The following PRDM12 variants were observed in gnomAD, a reference collection of about 807,000 sequenced individuals.
PRDM12 encodes the protein PR/SET domain 12.
A neutral mutation model predicts 29.6 loss-of-function variants in PRDM12; 17 were observed. The ratio of observed to expected loss-of-function variants is 0.57; its 90% CI spans 0.39 to 0.86. The LOEUF (loss-of-function observed/expected upper bound fraction) is 0.86. PRDM12 is among the 40% of genes least tolerant of loss of function. The pLI, the probability that PRDM12 is intolerant of heterozygous loss-of-function variation, is 0.00. For synonymous variants in PRDM12, 231 were observed against 225.8 expected (o/e 1.02, Z -0.21); for missense variants, 422 against 510.8 (o/e 0.83, Z 1.68).
rs1332573196 is a variant in PRDM12 at position 130,664,982 on chromosome 9, T to C, written c.223+106T>C. 1.5e-5 allele frequency: 18 copies of C among 1,201,778 alleles called. No homozygotes were observed. The highest frequency in any genetic ancestry group is 2.1e-5 in the Non-Finnish European group (18 of 876,734). The allele number at this position is 1,201,778 out of a possible 1,614,324, so 74.4% of individuals were successfully genotyped here. Reference sequence around the variant, plus strand: ...CTGGGATACCCGGCCTCGCTGCTACTCGCGCCAACCTGGGCTCTCCCGGCG... The same window carrying C: ...CTGGGATACCCGGCCTCGCTGCTACCCGCGCCAACCTGGGCTCTCCCGGCG... On this transcript the variant is annotated intron_variant, in intron 1 of 4. Coordinates refer to ENST00000253008, the MANE Select transcript of PRDM12 (RefSeq NM_021619.3). The surrounding 1 kb of genome is among the most constrained non-coding windows in gnomAD (Gnocchi z 6.4).
At chr9:130,676,392 A>G (rs1426237356) in intron 3 of PRDM12, among the ~76,000 whole-genome samples, 2 of 152,090 alleles carry the variant, frequency 1.3e-5, no homozygotes, top group Non-Finnish European at 2.9e-5. Context: ...GCTACTCAGG[A>G]GGCTGAGGCA....
chr9:130,668,489 G>T lies in PRDM12; in HGVS notation c.570+176G>T, dbSNP rs185578078. 1.2e-4 allele frequency among the ~76,000 whole-genome samples: 18 copies of T among 152,218 alleles called. No individual in the cohort carries two copies. The highest frequency in any genetic ancestry group is 1.9e-4 in the Non-Finnish European group (13 of 68,042). ...AGACAGGTGGGTCTCCAGACATCCC[G>T]CTGTCCAGGTGTGTGACCTCCATGG... On this transcript the variant is annotated intron_variant, in intron 3 of 4. Transcript: ENST00000253008. This position sits in a 1 kb window ranked among gnomAD's most constrained non-coding sequence, Gnocchi z 4.0.
chr9:130,670,180 C>A (rs922679947), intron 3 of PRDM12, among the ~76,000 whole-genome samples: 2 of 152,130 alleles, frequency 1.3e-5, no homozygotes, highest in Non-Finnish European at 2.9e-5. Flanking sequence ...CTTCTCTGCT[C>A]CCCTTGGGGT....
chr9:130,664,999 C>T lies in PRDM12; in HGVS notation c.223+123C>T, dbSNP rs983739233. The T allele has an allele frequency of 4.4e-5, 45 of 1,012,548 alleles. No homozygotes were observed. The highest frequency in any genetic ancestry group is 4.3e-4 in the Admixed American group (16 of 37,358). 62.7% of individuals were successfully genotyped at this position (1,012,548 alleles called of 1,614,324 possible). A position where few individuals can be genotyped will look rare whatever the true frequency, so the allele number is the denominator to read the frequency against. ...GCTGCTACTCGCGCCAACCTGGGCT[C>T]TCCCGGCGCTCGGTGCACCTCAGTT... is the stretch of plus-strand genomic sequence containing the variant. On this transcript the variant is annotated intron_variant, in intron 1 of 4. Coordinates refer to ENST00000253008, the MANE Select transcript of PRDM12 (RefSeq NM_021619.3). This position sits in a 1 kb window ranked among gnomAD's most constrained non-coding sequence, Gnocchi z 6.4.
chr9:130,679,827 A>G (rs1830877549), intron 4 of PRDM12, among the ~76,000 whole-genome samples: 1 of 151,662 alleles, frequency 6.6e-6, no homozygotes, highest in Non-Finnish European at 1.5e-5. Flanking sequence ...CACCTGGCTA[A>G]TTTTTTAAAT....
At chr9:130,680,275 T>G (rs1350804071) in intron 4 of PRDM12, among the ~76,000 whole-genome samples, 1 of 151,950 alleles carries the variant, frequency 6.6e-6, no homozygotes, top group Non-Finnish European at 1.5e-5. Context: ...AGGTCGAGGC[T>G]ACAGTGAGCT....
intron 4 of PRDM12, among the ~76,000 whole-genome samples, chr9:130,680,627 A>AT (rs1295802099): frequency 4.0e-5 from 3 of 74,248 alleles, no homozygotes; most frequent in African/African-American, 2.2e-4. Flanking sequence ...TCCGTCTAAA[A>AT]AAAAAAAATA....
intron 1 of PRDM12, among the ~76,000 whole-genome samples, chr9:130,665,138 C>T (rs1830719863): frequency 1.3e-5 from 2 of 152,252 alleles, no homozygotes; most frequent in Admixed American, 1.3e-4. Context: ...CCGGCCCCTC[C>T]CTTCCCCTCC....
rs1161648212 is a variant in PRDM12 at position 130,681,435 on chromosome 9, G to C, written c.870G>C (p.Val290=). Residue 290 remains valine, a synonymous_variant, in exon 5 of 5, where the codon GTG becomes GTC. Transcript: ENST00000253008. This position sits in a 1 kb window ranked among gnomAD's most constrained non-coding sequence, Gnocchi z 8.1. The part of the protein sequence containing the change: ...FSQSSTLRNH[V]RLHTGERPYK... ...AGTCGTCCACGCTGCGCAACCACGT[G>C]CGCCTGCACACGGGCGAGCGCCCCT... 2 of 1,596,744 alleles carry C rather than the reference G, an allele frequency of 1.3e-6. No homozygotes were observed. Among genetic ancestry groups the C allele is most frequent in the Admixed American group, 1.7e-5 (1 of 59,376 alleles).
intron 3 of PRDM12, 62 bp from the exon 4 acceptor site, chr9:130,678,467 A>G: frequency 1.7e-6 from 2 of 1,206,986 alleles, no homozygotes; most frequent in Non-Finnish European, 2.4e-6. Context: ...GTGCTCAGAG[A>G]CCCCCAACTC....
In PRDM12 at chr9:130,681,630, C is replaced by CGCT. The variant is rs1830904851; in HGVS notation, c.1067_1068insTGC (p.Ala359dup). Reference sequence around the variant, plus strand: ...TCGCCGCCGCCGCCGCCGCCGCCGCCGCCGCCGCCGCGCACCACCTGCCGG... The same window carrying CGCT: ...TCGCCGCCGCCGCCGCCGCCGCCGCCGCTGCCGCCGCCGCGCACCACCTGCCGG... On this transcript the variant is annotated inframe_insertion, in exon 5 of 5. Coordinates refer to ENST00000253008, the MANE Select transcript of PRDM12 (RefSeq NM_021619.3). The surrounding 1 kb of genome is among the most constrained non-coding windows in gnomAD (Gnocchi z 8.1). 2 of 978,398 alleles carry CGCT rather than the reference C, an allele frequency of 2.0e-6. No homozygotes were observed. Among genetic ancestry groups the CGCT allele is most frequent in the South Asian group, 4.6e-5 (1 of 21,942 alleles). 60.6% of individuals were successfully genotyped at this position (978,398 alleles called of 1,614,324 possible). A position where few individuals can be genotyped will look rare whatever the true frequency, so the allele number is the denominator to read the frequency against.
At chr9:130,667,632 C>T (rs1287341151) in intron 2 of PRDM12, among the ~76,000 whole-genome samples, 1 of 152,200 alleles carries the variant, frequency 6.6e-6, no homozygotes, top group East Asian at 1.9e-4. Context: ...GGCTGGACCA[C>T]TAACCACCTT....
At chr9:130,674,401 G>A (rs946145826) in intron 3 of PRDM12, among the ~76,000 whole-genome samples, 2 of 151,564 alleles carry the variant, frequency 1.3e-5, no homozygotes, top group Non-Finnish European at 2.9e-5. Flanking sequence ...TACCCACCTC[G>A]GCCTCTCAAA....
chr9:130,676,186 A>T (rs745438963), intron 3 of PRDM12, among the ~76,000 whole-genome samples: 3 of 152,198 alleles, frequency 2.0e-5, no homozygotes, highest in Non-Finnish European at 4.4e-5. Context: ...TAGAATTTTT[A>T]AAAATGTAAA....
Position 130,668,121 on chromosome 9 carries a change from C to T in PRDM12, c.415-37C>T, listed in dbSNP as rs763728617. 7.4e-6 allele frequency: 12 copies of T among 1,611,374 alleles called. No homozygotes were observed. The highest frequency in any genetic ancestry group is 8.5e-6 in the Non-Finnish European group (10 of 1,178,100). ...CTGGAAGATGGTACACATGGCATAG[C>T]CCTGCCTTACCTGGTCCTTGATCCA... On this transcript the variant is annotated intron_variant, in intron 2 of 4. Transcript: ENST00000253008. This position sits in a 1 kb window ranked among gnomAD's most constrained non-coding sequence, Gnocchi z 4.0.
At position 130,681,258 on chromosome 9, in the gene PRDM12, C is replaced by G; in HGVS notation, c.693C>G (p.His231Gln). The G allele has an allele frequency of 6.8e-7, 1 of 1,472,818 alleles. No homozygotes were observed. The highest frequency in any genetic ancestry group is 9.0e-7 in the Non-Finnish European group (1 of 1,106,080). The allele number at this position is 1,472,818 out of a possible 1,614,324, so 91.2% of individuals were successfully genotyped here. ...CCGCCCCGCGGCCAGAGGACTTCCA[C>G]CCGGCGGACTCGGCGGCTGGCCCCG... ...DQKKNKHEDF[H>Q]PADSAAGPAG... Residue 231 changes from histidine to glutamine, a missense_variant, in exon 5 of 5, where the codon CAC becomes CAG. Coordinates refer to ENST00000253008, the MANE Select transcript of PRDM12 (RefSeq NM_021619.3). The surrounding 1 kb of genome is among the most constrained non-coding windows in gnomAD (Gnocchi z 8.1).
intron 1 of PRDM12, among the ~76,000 whole-genome samples, chr9:130,665,822 C>T (rs1012181431): frequency 6.6e-6 from 1 of 152,210 alleles, no homozygotes; most frequent in Admixed American, 6.5e-5. Context: ...TAGAGGGGAA[C>T]CTTGTAAGAC....
chr9:130,682,313 T>G lies in PRDM12; in HGVS notation c.*644T>G, dbSNP rs1422167162. 2 of 152,340 alleles carry G rather than the reference T, an allele frequency of 1.3e-5. No homozygotes were observed. Among genetic ancestry groups the G allele is most frequent in the Non-Finnish European group, 2.9e-5 (2 of 68,188 alleles). The allele number at this position is 152,340 out of a possible 1,614,324, so 9.4% of individuals were successfully genotyped here. ...CTTTAGGCCAGCTTACCCCCAAACC[T>G]GGCTCCTGGGGACGGATGAGGAAGG... On this transcript the variant is annotated 3_prime_UTR_variant, in exon 5 of 5. Transcript: ENST00000253008. The surrounding 1 kb of genome is among the most constrained non-coding windows in gnomAD (Gnocchi z 4.2).
chr9:130,674,007 TTTC>T (rs1830812941), intron 3 of PRDM12, among the ~76,000 whole-genome samples: 5 of 126,342 alleles, frequency 4.0e-5, no homozygotes, highest in Non-Finnish European at 7.8e-5. Context: ...TCTTTCTTTC[TTTC>T]TTTTTTTTTT....
Sources: gnomAD v4.1 joint callset for allele counts (sites outside exome capture counted in the v4.1 genomes callset) on GRCh38, gnomAD v4.1.1 for gene constraint, Gnocchi (gnomAD v3.1) non-coding constraint, MANE v1.5 for transcripts, NCBI Gene and HGNC (gene_info 2026-07-23, HGNC 2026-07-21) for gene names.